The following LMNA variants were observed in gnomAD, a reference collection of about 807,000 sequenced individuals.
LMNA encodes lamin.
LMNA carries 20 observed loss-of-function variants against 70.4 expected under a neutral mutation model. The observed-to-expected ratio is 0.28, with a 90% CI of 0.20 to 0.41. The LOEUF is 0.41. LMNA is among the 10% of genes least tolerant of loss of function. LMNA has a pLI of 1.00. For missense variants in LMNA, 652 were observed against 917.2 expected (o/e 0.71, Z 3.73); for synonymous variants, 339 against 372.8 (o/e 0.91, Z 1.04).
At chr1:156,083,968 T>G (rs1421355718) in intron 2 of LMNA, among the ~76,000 whole-genome samples, 1 of 152,190 alleles carries the variant, frequency 6.6e-6, no homozygotes, top group Non-Finnish European at 1.5e-5. Flanking sequence ...GCATTTATTT[T>G]ATATCACCCT....
rs1456487547 is a variant in LMNA, at chr1:156,137,343, C to T, written c.1608+111C>T. On this transcript the variant is annotated intron_variant, in intron 9 of 11. Coordinates refer to ENST00000368300, the MANE Select transcript of LMNA (RefSeq NM_170707.4). This position sits in a 1 kb window ranked among gnomAD's most constrained non-coding sequence, Gnocchi z 4.6. The stretch of plus-strand genomic sequence containing the variant: ...GCCAATTCAGGGCCCCTTTCTAGAG[C>T]TCTCTGTTGCAGGCTCCAGACTTCT... 1 of 1,393,962 alleles carries T rather than the reference C, an allele frequency of 7.2e-7. No individual in the cohort carries two copies. The highest frequency in any genetic ancestry group is 9.8e-7 in the Non-Finnish European group (1 of 1,019,544). 86.3% of individuals were successfully genotyped at this position (1,393,962 alleles called of 1,614,324 possible). A position where few individuals can be genotyped will look rare whatever the true frequency, so the allele number is the denominator to read the frequency against.
Position 156,134,265 on chromosome 1 carries a change from A to G in LMNA, c.514-138A>G. 2.3e-6 allele frequency: 2 copies of G among 862,258 alleles called. No homozygotes were observed. Among genetic ancestry groups the G allele is most frequent in the Non-Finnish European group, 3.8e-6 (2 of 531,016 alleles). 53.4% of individuals were successfully genotyped at this position (862,258 alleles called of 1,614,324 possible). ...AGTGAGTAGATGTCCTGACCCCTGCAGGCATCCAAGGCCCTCCTTCCCTGG... is the reference window on the plus strand; with the variant it reads ...AGTGAGTAGATGTCCTGACCCCTGCGGGCATCCAAGGCCCTCCTTCCCTGG... On this transcript the variant is annotated intron_variant, in intron 2 of 11. Transcript: ENST00000368300. This position sits in a 1 kb window ranked among gnomAD's most constrained non-coding sequence, Gnocchi z 5.3.
chr1:156,109,820 A>ATGTGTGTGTGTGTGTGTG (rs71080747), upstream of LMNA: 1 of 123,668 alleles, frequency 8.1e-6, no homozygotes, highest in African/African-American at 3.8e-5. Context: ...GTGTGTGTGC[A>ATGTGTGTGTGTGTGTGTG]TATATATATA....
intron 3 of LMNA, among the ~76,000 whole-genome samples, chr1:156,107,658 C>T (rs185299632): frequency 1.3e-4 from 20 of 152,282 alleles, no homozygotes; most frequent in African/African-American, 4.6e-4. Context: ...CTGTCATTCA[C>T]TTGCTCCATC....
chr1:156,137,379 G>T lies in LMNA; in HGVS notation c.1608+147G>T. 9.3e-7 allele frequency: 1 copy of T among 1,080,742 alleles called. No individual in the cohort carries two copies. Among genetic ancestry groups the T allele is most frequent in the Non-Finnish European group, 1.4e-6 (1 of 738,684 alleles). The allele number at this position is 1,080,742 out of a possible 1,614,324, so 66.9% of individuals were successfully genotyped here. A position where few individuals can be genotyped will look rare whatever the true frequency, so the allele number is the denominator to read the frequency against. On this transcript the variant is annotated intron_variant, in intron 9 of 11. Transcript: ENST00000368300. The surrounding 1 kb of genome is among the most constrained non-coding windows in gnomAD (Gnocchi z 4.6). ...AGGCTCCAGACTTCTCCACCCAGTA[G>T]GCAAACCAAAAGATGCTTCCTCAAC...
chr1:156,103,418 G>C lies in LMNA; in HGVS notation c.-206-11295G>C, dbSNP rs1649208182. Among the ~76,000 whole-genome samples the C allele has an allele frequency of 6.6e-6, 1 of 152,128 alleles. No individual in the cohort carries two copies. Among genetic ancestry groups the C allele is most frequent in the Non-Finnish European group, 1.5e-5 (1 of 68,018 alleles). On this transcript the variant is annotated intron_variant, in intron 3 of 12. Transcript: ENST00000368301. The surrounding 1 kb of genome is among the most constrained non-coding windows in gnomAD (Gnocchi z 4.7). ...TGTGCTGGGCCCTCGCACTTCCTCT[G>C]TCTGGGACTCCTCTAACAGCTGTGG...
chr1:156,100,597 A>AT (rs1009268074), intron 3 of LMNA, among the ~76,000 whole-genome samples: 20 of 152,092 alleles, frequency 1.3e-4, no homozygotes, highest in African/African-American at 4.3e-4. Context: ...GGGAGCTCAG[A>AT]TGAAGGGAGG....
At chr1:156,087,333 T>G (rs1372133065) in intron 2 of LMNA, among the ~76,000 whole-genome samples, 2 of 150,704 alleles carry the variant, frequency 1.3e-5, no homozygotes, top group Admixed American at 1.3e-4. Flanking sequence ...AACCTCCGCC[T>G]CCCAGGTTCA....
At chr1:156,119,550 C>T (rs993851323) in intron 1 of LMNA, among the ~76,000 whole-genome samples, 3 of 152,216 alleles carry the variant, frequency 2.0e-5, no homozygotes, top group Non-Finnish European at 2.9e-5. Flanking sequence ...CATGAGCTAC[C>T]GCACCTGGTA....
At position 156,134,454 on chromosome 1, in the gene LMNA, C is replaced by A; in HGVS notation, c.565C>A (p.Arg189=). Reference sequence around the variant, plus strand: ...GAAGCAACTTCAGGATGAGATGCTGCGGCGGGTGGATGCTGAGAACAGGCT... The same window carrying A: ...GAAGCAACTTCAGGATGAGATGCTGAGGCGGGTGGATGCTGAGAACAGGCT... ...AKKQLQDEML[R]RVDAENRLQT... Residue 189 remains arginine (R), a synonymous_variant, in exon 3 of 12, where the codon CGG becomes AGG. Coordinates refer to ENST00000368300, the MANE Select transcript of LMNA (RefSeq NM_170707.4). The surrounding 1 kb of genome is among the most constrained non-coding windows in gnomAD (Gnocchi z 5.3). 3 of 1,614,120 alleles carry A rather than the reference C, an allele frequency of 1.9e-6. No individual in the cohort carries two copies. The East Asian group carries it at 6.7e-5, about 36-fold the overall frequency.
rs796234893 is a variant in LMNA, at chr1:156,103,647, C to T, written c.-206-11066C>T. On this transcript the variant is annotated intron_variant, in intron 3 of 12. Coordinates refer to the LMNA transcript ENST00000368301. The surrounding 1 kb of genome is among the most constrained non-coding windows in gnomAD (Gnocchi z 4.7). ...GTCCTGGACTAGCTCTCCTGTGTCCCCTCTCCGGGGGCTGCCCCCTCCCAG... is the reference window on the plus strand; with the variant it reads ...GTCCTGGACTAGCTCTCCTGTGTCCTCTCTCCGGGGGCTGCCCCCTCCCAG... 3.3e-5 allele frequency among the ~76,000 whole-genome samples: 5 copies of T among 152,240 alleles called. No individual in the cohort carries two copies. Among genetic ancestry groups the T allele is most frequent in the African/African-American group, 1.2e-4 (5 of 41,518 alleles).
chr1:156,134,133 C>T lies in LMNA; in HGVS notation c.514-270C>T, dbSNP rs568823455. ...CTGGATTCAAGCGATTCTTGTGCCT[C>T]AGCCTCCTGAGTAGCTGGGACTACA... On this transcript the variant is annotated intron_variant, in intron 2 of 11. Coordinates refer to ENST00000368300, the MANE Select transcript of LMNA (RefSeq NM_170707.4). This position sits in a 1 kb window ranked among gnomAD's most constrained non-coding sequence, Gnocchi z 5.3. Among the ~76,000 whole-genome samples the T allele has an allele frequency of 6.6e-6, 1 of 152,348 alleles. No individual in the cohort carries two copies. The highest frequency in any genetic ancestry group is 1.9e-4 in the East Asian group (1 of 5,188).
chr1:156,104,828 A>G (rs1203247235), intron 3 of LMNA, among the ~76,000 whole-genome samples: 1 of 152,200 alleles, frequency 6.6e-6, no homozygotes, highest in Non-Finnish European at 1.5e-5. Flanking sequence ...AAGAGAGGGC[A>G]TATGGGAATG....
chr1:156,097,092 G>C (rs1204858795), intron 3 of LMNA, among the ~76,000 whole-genome samples: 1 of 152,232 alleles, frequency 6.6e-6, no homozygotes, highest in African/African-American at 2.4e-5. Context: ...TGAAATGAGA[G>C]GCGGTGAAGT....
intron 1 of LMNA, among the ~76,000 whole-genome samples, chr1:156,127,843 T>C (rs112558060): frequency 6.6e-6 from 1 of 151,994 alleles, no homozygotes; most frequent in Non-Finnish European, 1.5e-5. Context: ...TGCACCACCT[T>C]GCCCGACTAA....
chr1:156,133,060 G>A (rs1044739031), intron 2 of LMNA, among the ~76,000 whole-genome samples: 2 of 151,542 alleles, frequency 1.3e-5, no homozygotes, highest in Non-Finnish European at 2.9e-5. Context: ...GGCTGGTCTT[G>A]AACTCCTGAC....
Position 156,136,592 on chromosome 1 carries a change from C to A in LMNA, c.1380+156C>A. The A allele has an allele frequency of 5.0e-6, 4 of 807,728 alleles. No homozygotes were observed. Among genetic ancestry groups the A allele is most frequent in the Non-Finnish European group, 8.2e-6 (4 of 486,508 alleles). The allele number at this position is 807,728 out of a possible 1,614,324, so 50.0% of individuals were successfully genotyped here. A position where few individuals can be genotyped will look rare whatever the true frequency, so the allele number is the denominator to read the frequency against. On this transcript the variant is annotated intron_variant, in intron 7 of 11. Transcript: ENST00000368300. This position sits in a 1 kb window ranked among gnomAD's most constrained non-coding sequence, Gnocchi z 6.1. ...CTCCACACTCTGGTTCCAGGCCTGG[C>A]TCCTGGACTCTTTGGCTGTGAGACC...
intron 3 of LMNA, among the ~76,000 whole-genome samples, chr1:156,104,264 G>A (rs1412780570): frequency 6.6e-6 from 1 of 152,188 alleles, no homozygotes; most frequent in Non-Finnish European, 1.5e-5. Context: ...TGTGTAGGCT[G>A]GCTTTTGTTG....
At chr1:156,102,374 G>A (rs538833024) in intron 3 of LMNA, among the ~76,000 whole-genome samples, 15 of 152,122 alleles carry the variant, frequency 9.9e-5, no homozygotes, top group Non-Finnish European at 1.6e-4. Context: ...TTGACATACC[G>A]CAGACACCCA....
Sources: gnomAD v4.1 joint callset for allele counts (sites outside exome capture counted in the v4.1 genomes callset) on GRCh38, gnomAD v4.1.1 for gene constraint, Gnocchi (gnomAD v3.1) non-coding constraint, MANE v1.5 for transcripts, NCBI Gene and HGNC (gene_info 2026-07-23, HGNC 2026-07-21) for gene names.